Variants in PGAP4 observed in about 807,000 individuals in gnomAD.
PGAP4 encodes GPI-N-acetylgalactosamine transferase PGAP4.
Under a neutral mutation model 28.2 loss-of-function variants are expected in PGAP4, and 12 were observed. The ratio of observed to expected loss-of-function variants is 0.42; its 90% CI spans 0.27 to 0.69. The LOEUF (loss-of-function observed/expected upper bound fraction) is 0.69, where lower values mean the gene tolerates loss of function less well. PGAP4 is among the 30% of genes least tolerant of loss of function. The probability of loss-of-function intolerance (pLI) is 0.22; values close to 1 mark genes in which losing one functional copy is unlikely to be tolerated. For missense variants in PGAP4, 425 were observed against 513.5 expected, an observed-to-expected ratio of 0.83 and a Z score of 1.67; for synonymous variants, 205 against 211.8, an observed-to-expected ratio of 0.97 and a Z score of 0.28.
intron 2 of PGAP4, among the ~76,000 whole-genome samples, chr9:101,496,652 T>C (rs1390313732): frequency 3.3e-5 from 5 of 151,400 alleles, no homozygotes; most frequent in Non-Finnish European, 7.4e-5. Flanking sequence ...GTATACACCA[T>C]TGATTACATG....
chr9:101,490,515 G>A (rs1048161421), upstream of PGAP4, among the ~76,000 whole-genome samples: 1 of 152,180 alleles, frequency 6.6e-6, no homozygotes, highest in African/African-American at 2.4e-5. Flanking sequence ...ACAAGATTTA[G>A]GTTCTTGGTG....
chr9:101,476,929 T>G lies in PGAP4; in HGVS notation c.164A>C (p.His55Pro), dbSNP rs763141262. Residue 55 changes from histidine (H) to proline (P), a missense_variant, in exon 2 of 2, where the codon CAT becomes CCT. His to Pro is a moderately conservative substitution (Grantham distance 77, BLOSUM62 -2). Transcript: ENST00000374848. This position sits in a 1 kb window ranked among gnomAD's most constrained non-coding sequence, Gnocchi z 7.0. ...RLLHSYFYLR[H>P]WHLNQMSQEF... ...TTGGCTCATTTGGTTCAGATGCCAA[T>G]GGCGCAGATAGAAGTAAGAGTGTAG... is the stretch of plus-strand genomic sequence containing the variant. 5 of 1,613,940 alleles carry G rather than the reference T, an allele frequency of 3.1e-6. No individual in the cohort carries two copies. In the African/African-American group the frequency reaches 6.7e-5, roughly 22 times the overall value.
At chr9:101,529,058 G>A (rs1827061637) in intron 2 of PGAP4, among the ~76,000 whole-genome samples, 1 of 151,064 alleles carries the variant, frequency 6.6e-6, no homozygotes, top group African/African-American at 2.4e-5. Context: ...CTGTTCCTGT[G>A]TTAGTTTGCT....
chr9:101,504,343 G>T (rs1350003270), intron 2 of PGAP4, among the ~76,000 whole-genome samples: 1 of 149,076 alleles, frequency 6.7e-6, no homozygotes. Context: ...CCCTGTATTT[G>T]TAGGTGGGAT....
At chr9:101,495,181 T>A (rs1826728679) in intron 2 of PGAP4, among the ~76,000 whole-genome samples, 1 of 105,478 alleles carries the variant, frequency 9.5e-6, no homozygotes, top group South Asian at 2.7e-4. Context: ...TTATATATAT[T>A]TTTTGTATAA....
chr9:101,504,333 C>A (rs889704077), intron 2 of PGAP4, among the ~76,000 whole-genome samples: 1 of 149,016 alleles, frequency 6.7e-6, no homozygotes, highest in East Asian at 2.0e-4. Context: ...AGTGGAGTTT[C>A]CCTGTATTTG....
upstream of PGAP4, chr9:101,489,305 C>G (rs1382680329): frequency 6.6e-6 from 1 of 152,126 alleles, no homozygotes; most frequent in Non-Finnish European, 1.5e-5. Context: ...ACATCTTAAC[C>G]TCTATGCAAG....
intron 2 of PGAP4, among the ~76,000 whole-genome samples, chr9:101,498,400 G>A (rs80164959): frequency 0.034 from 5,155 of 151,838 alleles, 138 homozygotes; most frequent in Admixed American, 0.061. Flanking sequence ...TGCTAATCAG[G>A]CAAACCTAAA....
chr9:101,523,168 T>C (rs1827002465), intron 2 of PGAP4, among the ~76,000 whole-genome samples: 1 of 146,606 alleles, frequency 6.8e-6, no homozygotes, highest in Non-Finnish European at 1.5e-5. Context: ...ATTCTTTCCT[T>C]CGTCTTAACT....
At chr9:101,506,989 C>A (rs1456923508) in intron 2 of PGAP4, among the ~76,000 whole-genome samples, 1 of 152,084 alleles carries the variant, frequency 6.6e-6, no homozygotes, top group Non-Finnish European at 1.5e-5. Context: ...CAGCTTCTCC[C>A]AAATTCTAAG....
At chr9:101,497,536 C>A (rs1424676525) in intron 2 of PGAP4, among the ~76,000 whole-genome samples, 2 of 151,484 alleles carry the variant, frequency 1.3e-5, no homozygotes, top group African/African-American at 2.4e-5. Context: ...TCATGCCAAA[C>A]CCTGACACCT....
intron 2 of PGAP4, among the ~76,000 whole-genome samples, chr9:101,514,545 T>A (rs1826927274): frequency 6.6e-6 from 1 of 152,164 alleles, no homozygotes; most frequent in Admixed American, 6.6e-5. Context: ...TATGTGTGCC[T>A]GTGTGCGTGT....
At position 101,475,732 on chromosome 9, in the gene PGAP4, A is replaced by T; in HGVS notation, c.*149T>A. The T allele has an allele frequency of 1.2e-6, 1 of 855,312 alleles. No individual in the cohort carries two copies. The highest frequency in any genetic ancestry group is 1.8e-6 in the Non-Finnish European group (1 of 555,388). The allele number at this position is 855,312 out of a possible 1,614,324, so 53.0% of individuals were successfully genotyped here. A position where few individuals can be genotyped will look rare whatever the true frequency, so the allele number is the denominator to read the frequency against. ...GGAGGCTACCAAAGCCAAGGCTCTT[A>T]ACATATTGAGGTTCCTCAGCTGCCC... On this transcript the variant is annotated 3_prime_UTR_variant, in exon 2 of 2. Transcript: ENST00000374848.
upstream of PGAP4, among the ~76,000 whole-genome samples, chr9:101,489,434 T>TTCCTA (rs1826666431): frequency 6.6e-6 from 1 of 152,200 alleles, no homozygotes; most frequent in Non-Finnish European, 1.5e-5. Context: ...CATAGTGCAG[T>TTCCTA]GCATACCCTA....
intron 2 of PGAP4, among the ~76,000 whole-genome samples, chr9:101,504,209 G>GTTTTTTTTTTTTTTTT (rs3081858): frequency 4.4e-5 from 1 of 22,712 alleles, no homozygotes; most frequent in Non-Finnish European, 8.0e-5. Flanking sequence ...GTGTGTGTTT[G>GTTTTTTTTTTTTTTTT]TTTTTTTTTT....
intron 2 of PGAP4, among the ~76,000 whole-genome samples, chr9:101,494,654 C>T (rs1422870458): frequency 6.6e-6 from 1 of 151,652 alleles, no homozygotes; most frequent in Admixed American, 6.6e-5. Context: ...TGTGTGAGTA[C>T]TTATTAGAAT....
intron 2 of PGAP4, among the ~76,000 whole-genome samples, chr9:101,526,564 C>A (rs547138143): frequency 5.3e-5 from 8 of 152,166 alleles, no homozygotes; most frequent in Non-Finnish European, 1.2e-4. Flanking sequence ...ATTCTCCTGC[C>A]TCAGCCTCCC....
At chr9:101,501,827 G>A (rs1483770247) in intron 2 of PGAP4, 4 of 497,560 alleles carry the variant, frequency 8.0e-6, no homozygotes, top group East Asian at 5.5e-5. Context: ...TCCAGCTCCA[G>A]TAAATACAAA....
upstream of PGAP4, among the ~76,000 whole-genome samples, chr9:101,491,805 C>T (rs897274276): frequency 2.9e-4 from 30 of 102,280 alleles, no homozygotes; most frequent in African/African-American, 1.1e-3. Flanking sequence ...AGAATGAAAT[C>T]TTAAAGGATA....
Sources: allele counts gnomAD v4.1 joint callset (sites outside exome capture counted in the v4.1 genomes callset), GRCh38; gene constraint gnomAD v4.1.1; non-coding constraint Gnocchi (gnomAD v3.1); transcripts MANE v1.5; gene names NCBI Gene and HGNC (gene_info 2026-07-23, HGNC 2026-07-21).